RNF122: variants seen among roughly 807,000 people sequenced by gnomAD.
The protein encoded by RNF122 is ring finger protein 122.
In RNF122, 17 loss-of-function variants were observed where a neutral mutation model predicts 24.2. The observed-to-expected ratio is 0.70, with a 90% CI of 0.48 to 1.06. RNF122 has a LOEUF of 1.06. Among genes scored for constraint, RNF122 ranks in the 50% least tolerant of loss-of-function variants. The pLI is 0.00. For missense variants in RNF122, 168 were observed against 198.1 expected, an observed-to-expected ratio of 0.85 and a Z score of 0.91; for synonymous variants, 65 against 71.8, an observed-to-expected ratio of 0.91 and a Z score of 0.48.
Position 33,548,695 on chromosome 8 carries a change from G to C in RNF122, c.*58C>G. On this transcript the variant is annotated 3_prime_UTR_variant, in exon 6 of 6. Coordinates refer to ENST00000256257, the MANE Select transcript of RNF122 (RefSeq NM_024787.3). The stretch of plus-strand genomic sequence containing the variant: ...GTCCTGTTGGTTGGAGCTGTGCAGA[G>C]GGACCAGACATCCATGAGGCAAGAG... 1.9e-6 allele frequency: 2 copies of C among 1,051,594 alleles called. No individual in the cohort carries two copies. The highest frequency in any genetic ancestry group is 3.0e-6 in the Non-Finnish European group (2 of 669,042). 65.1% of individuals were successfully genotyped at this position (1,051,594 alleles called of 1,614,324 possible).
At chr8:33,566,342 G>A (rs1810622858) in intron 1 of RNF122, among the ~76,000 whole-genome samples, 1 of 152,214 alleles carries the variant, frequency 6.6e-6, no homozygotes, top group African/African-American at 2.4e-5. Flanking sequence ...CAGCCCGAGT[G>A]CGGATTTAAT....
chr8:33,564,363 T>C (rs1321069072), intron 1 of RNF122, among the ~76,000 whole-genome samples: 1 of 151,562 alleles, frequency 6.6e-6, no homozygotes, highest in Non-Finnish European at 1.5e-5. Flanking sequence ...GCATAGGCAA[T>C]GTAGTGAAAC....
intron 2 of RNF122, among the ~76,000 whole-genome samples, chr8:33,553,625 G>A (rs1482506317): frequency 2.0e-5 from 3 of 152,156 alleles, no homozygotes; most frequent in Non-Finnish European, 4.4e-5. Context: ...GTGGATAGAT[G>A]GATGACTGAC....
intron 1 of RNF122, among the ~76,000 whole-genome samples, chr8:33,562,018 C>T (rs936330946): frequency 2.0e-5 from 3 of 152,074 alleles, no homozygotes; most frequent in Non-Finnish European, 4.4e-5. Context: ...TGCCTGCTTC[C>T]CTGTCTTTGT....
At chr8:33,566,591 G>A (rs1810627903) in intron 1 of RNF122, 108 bp downstream of exon 1, 6 of 1,165,340 alleles carry the variant, frequency 5.1e-6, no homozygotes, top group Non-Finnish European at 6.3e-6. Flanking sequence ...CATTTCAGGA[G>A]AAACTTGGTT....
At chr8:33,553,488 G>A (rs533756284) in intron 2 of RNF122, among the ~76,000 whole-genome samples, 54 of 152,078 alleles carry the variant, frequency 3.6e-4, no homozygotes, top group Middle Eastern at 6.8e-3. Context: ...AGGGTCCCTT[G>A]AGCCCAAGAG....
intron 2 of RNF122, among the ~76,000 whole-genome samples, chr8:33,553,114 T>C (rs1273038153): frequency 6.7e-6 from 1 of 148,164 alleles, no homozygotes; most frequent in Non-Finnish European, 1.5e-5. Context: ...ATGTGTGCTA[T>C]GGGGGAACCT....
chr8:33,567,099 A>T lies in RNF122; in HGVS notation c.-376T>A. The stretch of plus-strand genomic sequence containing the variant: ...GCTCGGATCGGGTTCAGCGGCGCAG[A>T]GGTGAGCTGGCTGGGGTTCCGAAAC... On this transcript the variant is annotated 5_prime_UTR_variant, in exon 1 of 6. Transcript: ENST00000256257. 1 of 305,080 alleles carries T rather than the reference A, an allele frequency of 3.3e-6. No homozygotes were observed. Among genetic ancestry groups the T allele is most frequent in the Non-Finnish European group, 6.3e-6 (1 of 158,890 alleles). The allele number at this position is 305,080 out of a possible 1,614,324, so 18.9% of individuals were successfully genotyped here. A position where few individuals can be genotyped will look rare whatever the true frequency, so the allele number is the denominator to read the frequency against.
intron 2 of RNF122, among the ~76,000 whole-genome samples, chr8:33,556,045 T>C (rs1310089336): frequency 1.3e-5 from 2 of 151,544 alleles, no homozygotes; most frequent in African/African-American, 4.8e-5. Flanking sequence ...AAAAAATTAG[T>C]TGGGCATGGT....
rs1459155341 is a variant in RNF122, at chr8:33,551,035, C to G, written c.270+9G>C. ...GGGGCCCTCCTGCACACTTTCCTGG[C>G]ACACTTACCCCATATAATTGTAACT... is the stretch of plus-strand genomic sequence containing the variant. On this transcript the variant is annotated intron_variant, in intron 4 of 5. Transcript: ENST00000256257. The G allele has an allele frequency of 5.0e-6, 8 of 1,613,890 alleles. No individual in the cohort carries two copies. The highest frequency in any genetic ancestry group is 6.8e-6 in the Non-Finnish European group (8 of 1,179,928).
chr8:33,555,674 G>A (rs992937251), intron 2 of RNF122, among the ~76,000 whole-genome samples: 4 of 152,170 alleles, frequency 2.6e-5, no homozygotes, highest in South Asian at 2.1e-4. Context: ...GGAAGGACTC[G>A]GCAAGACCCT....
intron 1 of RNF122, among the ~76,000 whole-genome samples, chr8:33,563,117 GAAA>G (rs59074437): frequency 1.5e-5 from 2 of 135,320 alleles, no homozygotes; most frequent in Non-Finnish European, 3.2e-5. Flanking sequence ...AAGAAAAAAA[GAAA>G]AAAAAAAAAA....
At position 33,551,536 on chromosome 8, in the gene RNF122, C is replaced by T. The variant is rs1299045098; in HGVS notation, c.183-147G>A. ...CCACAGGGCATACTTTGGACCTATG[C>T]AAGCCAACAAGGGTTGATAAAGGAC... On this transcript the variant is annotated intron_variant, in intron 2 of 5. Transcript: ENST00000256257. 7 of 762,300 alleles carry T rather than the reference C, an allele frequency of 9.2e-6. No individual in the cohort carries two copies. In the East Asian group the frequency reaches 1.6e-4, roughly 17 times the overall value. 47.2% of individuals were successfully genotyped at this position (762,300 alleles called of 1,614,324 possible). A position where few individuals can be genotyped will look rare whatever the true frequency, so the allele number is the denominator to read the frequency against.
intron 5 of RNF122, 112 bp from the exon 6 acceptor site, chr8:33,548,979 G>C (rs1205906276): frequency 2.1e-5 from 16 of 780,128 alleles, no homozygotes; most frequent in Non-Finnish European, 3.4e-5. Flanking sequence ...CCAGCACTTT[G>C]GGAGGCTGAG....
At chr8:33,553,070 CAAAA>C (rs34104851) in intron 2 of RNF122, among the ~76,000 whole-genome samples, 7 of 103,466 alleles carry the variant, frequency 6.8e-5, no homozygotes, top group Non-Finnish European at 3.8e-5. Flanking sequence ...GACCCTGTCT[CAAAA>C]AAAAAAAAAA....
chr8:33,560,918 A>G (rs1563370468), intron 1 of RNF122, among the ~76,000 whole-genome samples: 1 of 152,072 alleles, frequency 6.6e-6, no homozygotes, highest in Admixed American at 6.6e-5. Context: ...GAGACAGAGC[A>G]AGACTCCATC....
chr8:33,549,602 A>T, intron 4 of RNF122, 110 bp from the exon 5 acceptor site: 1 of 753,870 alleles, frequency 1.3e-6, no homozygotes, highest in Non-Finnish European at 2.3e-6. Flanking sequence ...AGGCAGAGAA[A>T]CTTTTTAGCC....
chr8:33,549,560 GA>G, intron 4 of RNF122, 68 bp from the exon 5 acceptor site: 1 of 1,232,856 alleles, frequency 8.1e-7, no homozygotes, highest in Non-Finnish European at 1.2e-6. Context: ...CCCCAGACAA[GA>G]AAACTAAGCT....
intron 1 of RNF122, among the ~76,000 whole-genome samples, chr8:33,564,419 G>C (rs2128840837): frequency 6.6e-6 from 1 of 152,208 alleles, no homozygotes; most frequent in African/African-American, 2.4e-5. Context: ...TTAAAAATTA[G>C]CCAGTAGCCA....
Sources: allele counts gnomAD v4.1 joint callset (sites outside exome capture counted in the v4.1 genomes callset), GRCh38; gene constraint gnomAD v4.1.1; transcripts MANE v1.5; gene names NCBI Gene and HGNC (gene_info 2026-07-23, HGNC 2026-07-21).